TGFB2: variants seen among roughly 807,000 people sequenced by gnomAD.
The protein encoded by TGFB2 is transforming growth factor beta 2.
In TGFB2, 13 loss-of-function variants were observed where a neutral mutation model predicts 42.7. The observed-to-expected ratio is 0.30, with a 90% CI of 0.20 to 0.48. The LOEUF (loss-of-function observed/expected upper bound fraction) is 0.48, where lower values mean the gene tolerates loss of function less well. Among genes scored for constraint, TGFB2 ranks in the 20% least tolerant of loss-of-function variants. The probability of loss-of-function intolerance (pLI) is 0.99; values close to 1 mark genes in which losing one functional copy is unlikely to be tolerated. For synonymous variants in TGFB2, 193 were observed against 193.6 expected (o/e 1.00, Z 0.03); for missense variants, 390 against 517.5 (o/e 0.75, Z 2.39).
chr1:218,367,360 C>G (rs1657419889), intron 1 of TGFB2, among the ~76,000 whole-genome samples: 2 of 152,148 alleles, frequency 1.3e-5, no homozygotes, highest in African/African-American at 4.8e-5. Context: ...CTGCAGGTTT[C>G]TCTTTCCAAA....
At chr1:218,363,453 A>C in intron 1 of TGFB2, 1 of 1,581,844 alleles carries the variant, frequency 6.3e-7, no homozygotes, top group Non-Finnish European at 8.7e-7. Flanking sequence ...CTCGTTTGAC[A>C]TAGTTATATC....
chr1:218,395,561 C>A (rs1283264017), intron 1 of TGFB2, among the ~76,000 whole-genome samples: 1 of 152,036 alleles, frequency 6.6e-6, no homozygotes, highest in Non-Finnish European at 1.5e-5. Flanking sequence ...TCGACTTTAG[C>A]CCAAAGTTAT....
rs1224942741 is a variant in TGFB2, at chr1:218,379,470, T to G, written c.347-25699T>G. On this transcript the variant is annotated intron_variant, in intron 1 of 6. Transcript: ENST00000366930. The stretch of plus-strand genomic sequence containing the variant: ...TTTATTTTTTAATTTTATTTCTTTT[T>G]CTTTCTTTCTTTCTTTCTTTTTTTT... 3.7e-5 allele frequency among the ~76,000 whole-genome samples: 3 copies of G among 80,842 alleles called. No individual in the cohort carries two copies. In the East Asian group the frequency reaches 1.1e-3, roughly 29 times the overall value. The allele number at this position is 80,842 out of a possible 152,430, so 53.0% of individuals were successfully genotyped here. A position where few individuals can be genotyped will look rare whatever the true frequency, so the allele number is the denominator to read the frequency against.
intron 1 of TGFB2, among the ~76,000 whole-genome samples, chr1:218,378,773 G>GTTT (rs11375487): frequency 4.0e-5 from 6 of 148,970 alleles, no homozygotes; most frequent in African/African-American, 1.5e-4. Flanking sequence ...CACCCGGCCT[G>GTTT]TTTTTTTTTT....
rs899680283 is a variant in TGFB2, at chr1:218,346,093, C to T, written c.-609C>T. 6.5e-6 allele frequency: 1 copy of T among 154,974 alleles called. No homozygotes were observed. Among genetic ancestry groups the T allele is most frequent in the Non-Finnish European group, 1.4e-5 (1 of 70,298 alleles). The allele number at this position is 154,974 out of a possible 1,614,324, so 9.6% of individuals were successfully genotyped here. A position where few individuals can be genotyped will look rare whatever the true frequency, so the allele number is the denominator to read the frequency against. On this transcript the variant is annotated 5_prime_UTR_variant, in exon 1 of 7. The change creates a new upstream start codon in the 5' untranslated region. Coordinates refer to ENST00000366930, the MANE Select transcript of TGFB2 (RefSeq NM_003238.6). The surrounding 1 kb of genome is among the most constrained non-coding windows in gnomAD (Gnocchi z 4.9). ...ACACACACACACACGCACGCACACA[C>T]GTGTGCGCTTCTCTGCTCCGGAGCT...
chr1:218,378,537 C>A (rs1207466164), intron 1 of TGFB2, among the ~76,000 whole-genome samples: 2 of 151,880 alleles, frequency 1.3e-5, no homozygotes, highest in African/African-American at 4.8e-5. Context: ...TAGTCTCGAA[C>A]TTCTGACCTC....
At chr1:218,402,918 T>A (rs1658776765) in intron 1 of TGFB2, among the ~76,000 whole-genome samples, 1 of 152,196 alleles carries the variant, frequency 6.6e-6, no homozygotes, top group South Asian at 2.1e-4. Context: ...TGGCCTAGGC[T>A]TCTCTGGTTG....
At chr1:218,420,610 C>CTG (rs1294710086) in intron 2 of TGFB2, among the ~76,000 whole-genome samples, 1 of 151,542 alleles carries the variant, frequency 6.6e-6, no homozygotes, top group Non-Finnish European at 1.5e-5. Context: ...AGAGACTTTT[C>CTG]TGTGTGTGTG....
At chr1:218,381,978 A>G (rs1657977846) in intron 1 of TGFB2, among the ~76,000 whole-genome samples, 1 of 152,146 alleles carries the variant, frequency 6.6e-6, no homozygotes, top group East Asian at 1.9e-4. Flanking sequence ...TACTTTCATC[A>G]TCTCTCCATC....
chr1:218,383,376 C>T (rs1282328388), intron 1 of TGFB2, among the ~76,000 whole-genome samples: 1 of 151,474 alleles, frequency 6.6e-6, no homozygotes, highest in African/African-American at 2.4e-5. Context: ...AAGCATGTGT[C>T]CTTTTTAATG....
intron 1 of TGFB2, among the ~76,000 whole-genome samples, chr1:218,399,028 C>A (rs1440953591): frequency 3.3e-5 from 5 of 152,172 alleles, no homozygotes; most frequent in Admixed American, 2.0e-4. Context: ...GAGTTACAGG[C>A]ACATGCCACA....
intron 2 of TGFB2, among the ~76,000 whole-genome samples, chr1:218,428,135 T>C (rs1365469882): frequency 1.3e-5 from 2 of 152,254 alleles, no homozygotes; most frequent in African/African-American, 4.8e-5. Context: ...ATGTCTTCTT[T>C]TGAGAAGTGT....
intron 5 of TGFB2, 103 bp from the exon 6 acceptor site, chr1:218,437,240 A>T: frequency 8.4e-7 from 1 of 1,184,650 alleles, no homozygotes; most frequent in Non-Finnish European, 1.2e-6. Context: ...TTTGTTGAAT[A>T]AATGAATGAA....
intron 1 of TGFB2, among the ~76,000 whole-genome samples, chr1:218,359,379 C>G (rs993882046): frequency 1.3e-5 from 2 of 152,204 alleles, no homozygotes; most frequent in Non-Finnish European, 1.5e-5. Flanking sequence ...AATCACTGAT[C>G]GGATCTCTAA....
intron 2 of TGFB2, among the ~76,000 whole-genome samples, chr1:218,413,164 G>T (rs970329090): frequency 6.6e-6 from 1 of 151,998 alleles, no homozygotes; most frequent in African/African-American, 2.4e-5. Flanking sequence ...TTGAGCCCAG[G>T]AGTTCAAGAC....
intron 1 of TGFB2, among the ~76,000 whole-genome samples, chr1:218,396,895 T>C (rs1658529613): frequency 6.6e-6 from 1 of 152,240 alleles, no homozygotes; most frequent in Admixed American, 6.5e-5. Flanking sequence ...AATCCTATTT[T>C]TCCAGTTTAA....
rs766665464 is a variant in TGFB2, at chr1:218,383,243, TA to T, written c.347-21925del. Among the ~76,000 whole-genome samples the T allele has an allele frequency of 1.8e-4, 27 of 152,348 alleles. No homozygotes were observed. The East Asian group carries it at 4.8e-3, about 27-fold the overall frequency. Reference sequence around the variant, plus strand: ...GCAACCAGGGGTTTAATTAGAAGACTATGAGCTCGAATGGAGCCACATTTAG... The same window carrying T: ...GCAACCAGGGGTTTAATTAGAAGACTTGAGCTCGAATGGAGCCACATTTAG... On this transcript the variant is annotated intron_variant, in intron 1 of 6. Transcript: ENST00000366930.
intron 1 of TGFB2, among the ~76,000 whole-genome samples, chr1:218,402,222 T>A (rs1181395683): frequency 6.6e-6 from 1 of 152,240 alleles, no homozygotes; most frequent in African/African-American, 2.4e-5. Flanking sequence ...ACTGTGTGTG[T>A]TAGCTACTTC....
intron 1 of TGFB2, among the ~76,000 whole-genome samples, chr1:218,356,333 C>T (rs1657033094): frequency 6.6e-6 from 1 of 152,030 alleles, no homozygotes; most frequent in Admixed American, 6.6e-5. Flanking sequence ...CCTCCTGCCT[C>T]AGCCTCTACA....
Sources: allele counts gnomAD v4.1 joint callset (sites outside exome capture counted in the v4.1 genomes callset), GRCh38; gene constraint gnomAD v4.1.1; non-coding constraint Gnocchi (gnomAD v3.1); transcripts MANE v1.5; gene names NCBI Gene and HGNC (gene_info 2026-07-23, HGNC 2026-07-21).